Variants in GOLGA6L2 observed in about 807,000 individuals in gnomAD.
GOLGA6L2 encodes golgin subfamily A member 6-like protein 2.
Under a neutral mutation model 35.9 loss-of-function variants are expected in GOLGA6L2, and 30 were observed. The observed-to-expected ratio is 0.83, with a 90% CI of 0.62 to 1.13. GOLGA6L2 has a LOEUF of 1.13. GOLGA6L2 is among the 50% of genes most tolerant of loss of function. The pLI is 0.00. For missense variants in GOLGA6L2, 821 were observed against 973.4 expected (o/e 0.84, Z 2.08); for synonymous variants, 297 against 344.0 (o/e 0.86, Z 1.51).
chr15:23,439,438 T>G lies in GOLGA6L2; in HGVS notation c.*307A>C. 1.4e-5 allele frequency: 8 copies of G among 587,602 alleles called. No individual in the cohort carries two copies. Among genetic ancestry groups the G allele is most frequent in the East Asian group, 4.9e-5 (1 of 20,374 alleles). 36.4% of individuals were successfully genotyped at this position (587,602 alleles called of 1,614,324 possible). A position where few individuals can be genotyped will look rare whatever the true frequency, so the allele number is the denominator to read the frequency against. On this transcript the variant is annotated 3_prime_UTR_variant, in exon 8 of 8. Coordinates refer to ENST00000567107, the MANE Select transcript of GOLGA6L2 (RefSeq NM_001304388.2). ...GTATTTTACCACAATTTAAAGTAAA[T>G]TTTCTTTTCTTTTTTTTTTTTTTTT... is the stretch of plus-strand genomic sequence containing the variant.
In GOLGA6L2 at chr15:23,442,005, C is replaced by G. The variant is rs890548670; in HGVS notation, c.766G>C (p.Glu256Gln). ...TGTGGCAGCAGGAACTTGGCCCTCTCCAGTTTCCTTTTTAGCTCCTTCACG... is the reference window on the plus strand; with the variant it reads ...TGTGGCAGCAGGAACTTGGCCCTCTGCAGTTTCCTTTTTAGCTCCTTCACG... ...LNVKELKRKL[E>Q]RAKFLLPQVQ... Residue 256 changes from glutamate to glutamine, a missense_variant, in exon 7 of 8, where the codon GAG (glutamate) becomes CAG (glutamine). Physicochemically the swap from Glu to Gln is conservative, Grantham distance 29. Coordinates refer to ENST00000567107, the MANE Select transcript of GOLGA6L2 (RefSeq NM_001304388.2). 3 of 1,544,986 alleles carry G rather than the reference C, an allele frequency of 1.9e-6. No individual in the cohort carries two copies. Among genetic ancestry groups the G allele is most frequent in the African/African-American group, 2.7e-5 (2 of 73,494 alleles).
At position 23,442,115 on chromosome 15, in the gene GOLGA6L2, G is replaced by A; in HGVS notation, c.656C>T (p.Thr219Ile). Reference sequence around the variant, plus strand: ...ATTTTTCTTCTTCAGCTCCTCATTGGTTATGCTATGGCCCGAGGCAGTAGA... The same window carrying A: ...ATTTTTCTTCTTCAGCTCCTCATTGATTATGCTATGGCCCGAGGCAGTAGA... ...LSLELYRNTI[T>I]NEELKKKNAE... Residue 219 changes from threonine to isoleucine, a missense_variant, in exon 7 of 8, where the codon ACC becomes ATC. By Grantham distance (89) the Thr-to-Ile change is moderately conservative. Coordinates refer to ENST00000567107, the MANE Select transcript of GOLGA6L2 (RefSeq NM_001304388.2). The A allele has an allele frequency of 1.5e-5, 23 of 1,564,820 alleles. No homozygotes were observed. The highest frequency in any genetic ancestry group is 2.0e-5 in the Non-Finnish European group (23 of 1,161,716).
rs1253811487 is a variant in GOLGA6L2, at chr15:23,443,892, A to G, written c.476T>C (p.Leu159Pro). The change falls in exon 5 of 8, where the codon CTC (leucine) becomes CCC (proline). Residue 159 changes from leucine (L) to proline (P), a missense_variant. Around this residue, in one of 7 missense-constraint regions of GOLGA6L2, gnomAD observed 614 missense variants for 632.3 expected, o/e 0.97. Transcript: ENST00000567107. ...GSPLGCVSTS[L>P]IPGESKDLAG... The stretch of plus-strand genomic sequence containing the variant: ...GAGATCCTTGGACTCTCCTGGAATG[A>G]GAGAGGTTGAGACACAGCCCAAAGG... The G allele has an allele frequency of 1.9e-6, 3 of 1,543,060 alleles. No individual in the cohort carries two copies. The highest frequency in any genetic ancestry group is 3.9e-5 in the Admixed American group (2 of 51,554).
In GOLGA6L2 at chr15:23,441,482, CCGCAGCTCCTTCTCCTGCTCT is replaced by C. The variant is rs756092552; in HGVS notation, c.972_992del (p.Glu334_Gln340del). Reference sequence around the variant, plus strand: ...GCTCCCGCAGCTCCTTCTCCTGCTCCCGCAGCTCCTTCTCCTGCTCTCGCAGCCTCTTCTCCTGTCTCCGCA... The same window carrying C: ...GCTCCCGCAGCTCCTTCTCCTGCTCCCGCAGCCTCTTCTCCTGTCTCCGCA... On this transcript the variant is annotated inframe_deletion, in exon 8 of 8. Transcript: ENST00000567107. The C allele has an allele frequency of 7.8e-6, 11 of 1,405,770 alleles. No individual in the cohort carries two copies. The highest frequency in any genetic ancestry group is 3.7e-4 in the Middle Eastern group (2 of 5,388). The allele number at this position is 1,405,770 out of a possible 1,614,324, so 87.1% of individuals were successfully genotyped here.
chr15:23,443,052 G>A (rs887919183), intron 5 of GOLGA6L2, among the ~76,000 whole-genome samples: 8 of 152,112 alleles, frequency 5.3e-5, no homozygotes, highest in Admixed American at 1.3e-4. Context: ...CATAGGAGAC[G>A]GTTACCATTA....
At chr15:23,445,527 C>T (rs1595259652) in intron 1 of GOLGA6L2, 89 bp from the exon 2 acceptor site, 1 of 290,750 alleles carries the variant, frequency 3.4e-6, no homozygotes, top group East Asian at 9.8e-5. Flanking sequence ...CATAGACGAT[C>T]TGATTTAATG....
rs970943309 is a variant in GOLGA6L2 at position 23,447,070 on chromosome 15, T to C, written c.84+28A>G. 2.9e-6 allele frequency: 3 copies of C among 1,029,862 alleles called. No homozygotes were observed. In the African/African-American group the frequency reaches 5.1e-5, roughly 18 times the overall value. 63.8% of individuals were successfully genotyped at this position (1,029,862 alleles called of 1,614,324 possible). ...AGGGGGCCTGGGGCTGGGTTGGGGT[T>C]GGGGTGCCGCAACCCAGTGAGTTTT... On this transcript the variant is annotated intron_variant, in intron 1 of 7. Coordinates refer to ENST00000567107, the MANE Select transcript of GOLGA6L2 (RefSeq NM_001304388.2).
chr15:23,441,720 T>C, intron 7 of GOLGA6L2, 38 bp from the exon 8 acceptor site: 1 of 1,444,908 alleles, frequency 6.9e-7, no homozygotes, highest in South Asian at 1.5e-5. Context: ...GCTATATAAA[T>C]GTAATCTATA....
rs1313570310 is a variant in GOLGA6L2, at chr15:23,440,811, C to T, written c.1664G>A (p.Gly555Glu). The T allele has an allele frequency of 2.0e-6, 3 of 1,526,912 alleles. No individual in the cohort carries two copies. Among genetic ancestry groups the T allele is most frequent in the South Asian group, 1.2e-5 (1 of 82,044 alleles). 94.6% of individuals were successfully genotyped at this position (1,526,912 alleles called of 1,614,324 possible). A position where few individuals can be genotyped will look rare whatever the true frequency, so the allele number is the denominator to read the frequency against. ...VETGGEAAGA[G>E]EADVGAGGED... ...TCCTCCTGCTCCCACATCTGCTTCT[C>T]CTGCTCCTGCAGCCTCTCCTCCTGT... is the stretch of plus-strand genomic sequence containing the variant. The change falls in exon 8 of 8, where the codon GGA (glycine) becomes GAA (glutamate). Residue 555 changes from glycine (G) to glutamate (E), a missense_variant. This residue lies in a region of GOLGA6L2 where 614 missense variants were observed against 632.3 expected (regional missense o/e 0.97). Transcript: ENST00000567107.
Position 23,442,481 on chromosome 15 carries a change from C to T in GOLGA6L2, c.619G>A (p.Asp207Asn). 1.3e-6 allele frequency: 2 copies of T among 1,596,822 alleles called. No individual in the cohort carries two copies. Among genetic ancestry groups the T allele is most frequent in the South Asian group, 2.2e-5 (2 of 90,422 alleles). The change falls in exon 6 of 8, where the codon GAC becomes AAC. Residue 207 changes from aspartate (D) to asparagine (N), a missense_variant. Coordinates refer to ENST00000567107, the MANE Select transcript of GOLGA6L2 (RefSeq NM_001304388.2). ...CTGTACAGTTCCAGACTCAGGGCGT[C>T]CCTCTCCTTTGTTAACTCCTCGATG... ...RYIEELTKER[D>N]ALSLELYRNT...
At chr15:23,442,534 G>A in intron 5 of GOLGA6L2, 26 bp from the exon 6 acceptor site, 1 of 1,576,488 alleles carries the variant, frequency 6.3e-7, no homozygotes. Flanking sequence ...GGTTAAGTCA[G>A]GACAGAGCAG....
In GOLGA6L2 at chr15:23,439,728, T is replaced by C. The variant is rs1359555737; in HGVS notation, c.*17A>G. On this transcript the variant is annotated 3_prime_UTR_variant, in exon 8 of 8. Coordinates refer to ENST00000567107, the MANE Select transcript of GOLGA6L2 (RefSeq NM_001304388.2). ...GCCTCTCCTCCTGCAGGCTCCACAC[T>C]GCCAGTGTGGCTCATATTACAAAGA... 2 of 1,536,486 alleles carry C rather than the reference T, an allele frequency of 1.3e-6. No individual in the cohort carries two copies. Among genetic ancestry groups the C allele is most frequent in the South Asian group, 1.2e-5 (1 of 84,034 alleles).
rs781719831 is a variant in GOLGA6L2, at chr15:23,441,156, C to T, written c.1319G>A (p.Arg440Gln). Reference sequence around the variant, plus strand: ...CTCTTGCATCTTCTCCTCCTGGTCCCGCGTCTTCTTCTCCTGCTCCTGCAT... The same window carrying T: ...CTCTTGCATCTTCTCCTCCTGGTCCTGCGTCTTCTTCTCCTGCTCCTGCAT... ...KKMQEQEKKT[R>Q]DQEEKMQEEE... The change falls in exon 8 of 8, where the codon CGG becomes CAG. Residue 440 changes from arginine (R) to glutamine (Q), a missense_variant. This residue lies in a region of GOLGA6L2 where 614 missense variants were observed against 632.3 expected (regional missense o/e 0.97). Coordinates refer to ENST00000567107, the MANE Select transcript of GOLGA6L2 (RefSeq NM_001304388.2). 48 of 1,531,834 alleles carry T rather than the reference C, an allele frequency of 3.1e-5. No individual in the cohort carries two copies. The highest frequency in any genetic ancestry group is 7.3e-5 in the African/African-American group (5 of 68,038). 94.9% of individuals were successfully genotyped at this position (1,531,834 alleles called of 1,614,324 possible). A position where few individuals can be genotyped will look rare whatever the true frequency, so the allele number is the denominator to read the frequency against.
In GOLGA6L2 at chr15:23,442,562, C is replaced by T. The variant is rs190069492; in HGVS notation, c.592-54G>A. 288 of 1,519,558 alleles carry T rather than the reference C, an allele frequency of 1.9e-4. No individual in the cohort carries two copies. In the African/African-American group the frequency reaches 2.5e-3, roughly 13 times the overall value. 94.1% of individuals were successfully genotyped at this position (1,519,558 alleles called of 1,614,324 possible). A position where few individuals can be genotyped will look rare whatever the true frequency, so the allele number is the denominator to read the frequency against. On this transcript the variant is annotated intron_variant, in intron 5 of 7. Transcript: ENST00000567107. ...CAGAGCAGGCAGAAGAGCAGCTGGCCGACCAGGAACAACAGCTACACTGAT... is the reference window on the plus strand; with the variant it reads ...CAGAGCAGGCAGAAGAGCAGCTGGCTGACCAGGAACAACAGCTACACTGAT...
Position 23,441,515 on chromosome 15 carries a change from C to T in GOLGA6L2, c.960G>A (p.Glu320=). The T allele has an allele frequency of 4.3e-6, 6 of 1,387,538 alleles. No individual in the cohort carries two copies. The highest frequency in any genetic ancestry group is 1.3e-5 in the South Asian group (1 of 74,840). The allele number at this position is 1,387,538 out of a possible 1,614,324, so 86.0% of individuals were successfully genotyped here. A position where few individuals can be genotyped will look rare whatever the true frequency, so the allele number is the denominator to read the frequency against. The change falls in exon 8 of 8, where the codon GAG becomes GAA. Residue 320 remains glutamate (E), a synonymous_variant. Transcript: ENST00000567107. ...CCTTCTCCTGCTCTCGCAGCCTCTT[C>T]TCCTGTCTCCGCATCTTCTCCTCCT... is the stretch of plus-strand genomic sequence containing the variant. ...REQEEKMRRQ[E]KRLREQEKEL...
chr15:23,441,793 G>T, intron 7 of GOLGA6L2, 111 bp from the exon 8 acceptor site: 1 of 1,360,196 alleles, frequency 7.4e-7, no homozygotes, highest in Middle Eastern at 2.3e-4. Flanking sequence ...CTGAGGTTCT[G>T]ATTTCCCAGG....
Position 23,441,542 on chromosome 15 carries a change from C to A in GOLGA6L2, c.933G>T (p.Glu311Asp). The change falls in exon 8 of 8, where the codon GAG (glutamate) becomes GAT (aspartate). Residue 311 changes from glutamate to aspartate, a missense_variant. By Grantham distance (45) the Glu-to-Asp change is conservative. Coordinates refer to ENST00000567107, the MANE Select transcript of GOLGA6L2 (RefSeq NM_001304388.2). ...RLREQEGKMR[E>D]QEEKMRRQEK... ...CCTGTCTCCGCATCTTCTCCTCCTG[C>A]TCCCGCATCTTCCCCTCCTGCTCCC... 7.0e-7 allele frequency: 1 copy of A among 1,429,012 alleles called. No individual in the cohort carries two copies. Among genetic ancestry groups the A allele is most frequent in the Non-Finnish European group, 9.3e-7 (1 of 1,077,878 alleles). 88.5% of individuals were successfully genotyped at this position (1,429,012 alleles called of 1,614,324 possible).
Position 23,439,129 on chromosome 15 carries a change from G to C in GOLGA6L2, c.*616C>G, listed in dbSNP as rs1237362731. ...AAGAAAAACAATAGAAACATACATA[G>C]ATATCAGAGTCCTCAGGTAGAAACT... On this transcript the variant is annotated 3_prime_UTR_variant, in exon 8 of 8. Coordinates refer to ENST00000567107, the MANE Select transcript of GOLGA6L2 (RefSeq NM_001304388.2). Among the ~76,000 whole-genome samples the C allele has an allele frequency of 6.7e-6, 1 of 148,406 alleles. No individual in the cohort carries two copies. The highest frequency in any genetic ancestry group is 2.1e-4 in the South Asian group (1 of 4,708).
chr15:23,441,445 G>T lies in GOLGA6L2; in HGVS notation c.1030C>A (p.Arg344=). Reference sequence around the variant, plus strand: ...TCCTGCATCTGCTCCTCCTGCTCCCGCAGCTTCTTCTGCTCCCGCAGCTCC... The same window carrying T: ...TCCTGCATCTGCTCCTCCTGCTCCCTCAGCTTCTTCTGCTCCCGCAGCTCC... ...EKELREQKKL[R]EQEEQMQEQE... is the part of the protein sequence containing the mutation. The change falls in exon 8 of 8, where the codon CGG becomes AGG. Residue 344 remains arginine (R), a synonymous_variant. Coordinates refer to ENST00000567107, the MANE Select transcript of GOLGA6L2 (RefSeq NM_001304388.2). The T allele has an allele frequency of 2.1e-6, 3 of 1,399,128 alleles. No individual in the cohort carries two copies. The highest frequency in any genetic ancestry group is 1.3e-5 in the South Asian group (1 of 75,422). The allele number at this position is 1,399,128 out of a possible 1,614,324, so 86.7% of individuals were successfully genotyped here.
Sources: allele counts gnomAD v4.1 joint callset (sites outside exome capture counted in the v4.1 genomes callset), GRCh38; gene constraint gnomAD v4.1.1; regional missense constraint gnomAD v4.1.1; transcripts MANE v1.5; gene names NCBI Gene and HGNC (gene_info 2026-07-23, HGNC 2026-07-21).